Variants in IRF2 observed in about 807,000 individuals in gnomAD.
The protein encoded by IRF2 is interferon regulatory factor 2.
In IRF2, 15 loss-of-function variants were observed where a neutral mutation model predicts 40.6. The ratio of observed to expected loss-of-function variants is 0.37; its 90% CI spans 0.25 to 0.57. The LOEUF (loss-of-function observed/expected upper bound fraction) is 0.57. Among genes scored for constraint, IRF2 ranks in the 20% least tolerant of loss-of-function variants. The pLI is 0.77. For synonymous variants in IRF2, 151 were observed against 165.5 expected (o/e 0.91, Z 0.67); for missense variants, 317 against 455.7 (o/e 0.70, Z 2.77).
chr4:184,471,137 T>C (rs953625995), intron 1 of IRF2, among the ~76,000 whole-genome samples: 1 of 152,230 alleles, frequency 6.6e-6, no homozygotes, highest in Non-Finnish European at 1.5e-5. Context: ...TAATCTGATA[T>C]AATTTTGAAA....
At chr4:184,396,291 C>T (rs1003429997) in intron 7 of IRF2, among the ~76,000 whole-genome samples, 2 of 152,170 alleles carry the variant, frequency 1.3e-5, no homozygotes, top group African/African-American at 4.8e-5. Context: ...GTGCGCTGTC[C>T]AGGGCAGCGA....
chr4:184,416,366 C>T (rs1446437168), intron 5 of IRF2, among the ~76,000 whole-genome samples: 1 of 117,046 alleles, frequency 8.5e-6, no homozygotes, highest in East Asian at 2.3e-4. Flanking sequence ...CTGTGAGAAA[C>T]GATATGGCTA....
At position 184,408,292 on chromosome 4, in the gene IRF2, A is replaced by T. The variant is rs1226339136; in HGVS notation, c.412-17T>A. 6.8e-7 allele frequency: 1 copy of T among 1,473,400 alleles called. No individual in the cohort carries two copies. Among genetic ancestry groups the T allele is most frequent in the Non-Finnish European group, 9.5e-7 (1 of 1,053,886 alleles). The allele number at this position is 1,473,400 out of a possible 1,614,324, so 91.3% of individuals were successfully genotyped here. A position where few individuals can be genotyped will look rare whatever the true frequency, so the allele number is the denominator to read the frequency against. The stretch of plus-strand genomic sequence containing the variant: ...TGGTTCTTGCTAGGAAGAAGAAAAG[A>T]AAAAAGAATTGAGAACACTTCCTTT... On this transcript the variant is annotated splice_polypyrimidine_tract_variant and intron_variant, in intron 5 of 8. Transcript: ENST00000393593. The surrounding 1 kb of genome is among the most constrained non-coding windows in gnomAD (Gnocchi z 4.9).
chr4:184,397,102 T>C (rs1226768916), intron 7 of IRF2, among the ~76,000 whole-genome samples: 1 of 152,244 alleles, frequency 6.6e-6, no homozygotes, highest in Non-Finnish European at 1.5e-5. Flanking sequence ...ACGCATTTGC[T>C]GAATAAAGCA....
intron 1 of IRF2, among the ~76,000 whole-genome samples, chr4:184,455,568 G>A (rs962628261): frequency 4.6e-5 from 7 of 151,928 alleles, no homozygotes; most frequent in African/African-American, 1.7e-4. Flanking sequence ...GAGCACAGTA[G>A]CTTGCACATA....
intron 1 of IRF2, among the ~76,000 whole-genome samples, chr4:184,465,985 C>T (rs1487024897): frequency 6.6e-6 from 1 of 152,110 alleles, no homozygotes; most frequent in East Asian, 1.9e-4. Context: ...TACTCAGTGC[C>T]CCACTCAGTG....
Position 184,408,266 on chromosome 4 carries a change from C to T in IRF2, c.421G>A (p.Val141Ile). Reference sequence around the variant, plus strand: ...TTACTAAGCCCCAGAGATGACTCAACTGGTTCTTGCTAGGAAGAAGAAAAG... The same window carrying T: ...TTACTAAGCCCCAGAGATGACTCAATTGGTTCTTGCTAGGAAGAAGAAAAG... Reference protein sequence around the residue: ...DKVKHIKQEPVESSLGLSNGV... With the variant: ...DKVKHIKQEPIESSLGLSNGV... The change falls in exon 6 of 9, where the codon GTT (valine) becomes ATT (isoleucine). Residue 141 changes from valine to isoleucine, a missense_variant. By Grantham distance (29) the Val-to-Ile change is conservative. This residue lies in a region of IRF2 where 262 missense variants were observed against 334.0 expected (regional missense o/e 0.78). Coordinates refer to ENST00000393593, the MANE Select transcript of IRF2 (RefSeq NM_002199.4). The surrounding 1 kb of genome is among the most constrained non-coding windows in gnomAD (Gnocchi z 4.9). 6.3e-7 allele frequency: 1 copy of T among 1,597,702 alleles called. No homozygotes were observed. Among genetic ancestry groups the T allele is most frequent in the Non-Finnish European group, 8.6e-7 (1 of 1,165,492 alleles).
At position 184,387,886 on chromosome 4, in the gene IRF2, A is replaced by AATTAT. The variant is rs1323805083; in HGVS notation, c.*867_*871dup. Reference sequence around the variant, plus strand: ...TGATAAACAAGAAAAGGAATCTTAAAATTATAAATTTGCTGTAGAAAAGAT... The same window carrying AATTAT: ...TGATAAACAAGAAAAGGAATCTTAAAATTATATTATAAATTTGCTGTAGAAAAGAT... On this transcript the variant is annotated 3_prime_UTR_variant, in exon 9 of 9. Coordinates refer to ENST00000393593, the MANE Select transcript of IRF2 (RefSeq NM_002199.4). 3 of 152,612 alleles carry AATTAT rather than the reference A, an allele frequency of 2.0e-5. No homozygotes were observed. In the East Asian group the frequency reaches 5.8e-4, roughly 29 times the overall value. The allele number at this position is 152,612 out of a possible 1,614,324, so 9.5% of individuals were successfully genotyped here.
At chr4:184,434,278 C>T (rs1199298461) in intron 1 of IRF2, among the ~76,000 whole-genome samples, 1 of 152,180 alleles carries the variant, frequency 6.6e-6, no homozygotes, top group Admixed American at 6.5e-5. Context: ...TTGACTCTGC[C>T]ATTGCTGGTG....
chr4:184,434,196 GGA>G (rs1737994039), intron 1 of IRF2, among the ~76,000 whole-genome samples: 1 of 152,232 alleles, frequency 6.6e-6, no homozygotes, highest in African/African-American at 2.4e-5. Flanking sequence ...GTAGCTCAGT[GGA>G]GATGACACAG....
chr4:184,410,558 C>G lies in IRF2; in HGVS notation c.412-2283G>C, dbSNP rs903787301. ...TGACCCCTGGTCAGTTTCCCCACCC[C>G]GAGTCATGCCCCACCTTTCACTAGT... On this transcript the variant is annotated intron_variant, in intron 5 of 8. Transcript: ENST00000393593. 3.3e-5 allele frequency among the ~76,000 whole-genome samples: 5 copies of G among 152,184 alleles called. No individual in the cohort carries two copies. The South Asian group carries it at 1.0e-3, about 32-fold the overall frequency.
At position 184,407,150 on chromosome 4, in the gene IRF2, G is replaced by A. The variant is rs1736888145; in HGVS notation, c.529+1008C>T. On this transcript the variant is annotated intron_variant, in intron 6 of 8. Transcript: ENST00000393593. ...AAACTTTTTACACTGCCCGGGAGAT[G>A]GTTTAAATACAAAAAAAGCACTGCT... is the stretch of plus-strand genomic sequence containing the variant. 3.9e-6 allele frequency: 5 copies of A among 1,278,022 alleles called. No individual in the cohort carries two copies. The African/African-American group carries it at 4.6e-5, about 12-fold the overall frequency. The allele number at this position is 1,278,022 out of a possible 1,614,324, so 79.2% of individuals were successfully genotyped here. A position where few individuals can be genotyped will look rare whatever the true frequency, so the allele number is the denominator to read the frequency against.
intron 6 of IRF2, among the ~76,000 whole-genome samples, chr4:184,406,776 C>T (rs1269588905): frequency 1.3e-5 from 2 of 152,232 alleles, no homozygotes; most frequent in South Asian, 2.1e-4. Context: ...TCTCCTGTGC[C>T]TTCAGGAGCC....
At chr4:184,404,748 C>T (rs905918970) in intron 6 of IRF2, among the ~76,000 whole-genome samples, 7 of 152,110 alleles carry the variant, frequency 4.6e-5, no homozygotes, top group African/African-American at 1.2e-4. Context: ...AGAAGATCAC[C>T]GCGGGGCCGG....
chr4:184,442,550 C>T (rs1339815462), intron 1 of IRF2, among the ~76,000 whole-genome samples: 1 of 152,168 alleles, frequency 6.6e-6, no homozygotes, highest in Admixed American at 6.5e-5. Context: ...AAGTAAGTCC[C>T]ATAGAAGACA....
rs1242478641 is a variant in IRF2, at chr4:184,469,376, GA to G, written c.-7+5002del. 2.6e-5 allele frequency among the ~76,000 whole-genome samples: 4 copies of G among 152,322 alleles called. No homozygotes were observed. In the South Asian group the frequency reaches 6.2e-4, roughly 24 times the overall value. On this transcript the variant is annotated intron_variant, in intron 1 of 8. Transcript: ENST00000393593. The stretch of plus-strand genomic sequence containing the variant: ...ACTGGAAGTCATATGTGTTTCTGAG[GA>G]ATAAAAATGGGCACTAGGGCCGGGT...
Position 184,419,570 on chromosome 4 carries a change from T to TC in IRF2, c.88-3_88-2insG. ...GGGGATCTGAAAAATCTTCTTTTCC[T>TC]GAAAAAAAAAAAAAAAAAAAAGGTA... On this transcript the variant is annotated splice_polypyrimidine_tract_variant and splice_region_variant and intron_variant, in intron 2 of 8. Coordinates refer to ENST00000393593, the MANE Select transcript of IRF2 (RefSeq NM_002199.4). 3.2e-5 allele frequency: 26 copies of TC among 820,006 alleles called. No individual in the cohort carries two copies. The highest frequency in any genetic ancestry group is 4.4e-5 in the Non-Finnish European group (25 of 573,420). The allele number at this position is 820,006 out of a possible 1,614,324, so 50.8% of individuals were successfully genotyped here.
rs552603290 is a variant in IRF2 at position 184,422,898 on chromosome 4, G to A, written c.88-3330C>T. Among the ~76,000 whole-genome samples the A allele has an allele frequency of 1.6e-3, 240 of 152,298 alleles. 1 individual carries two copies. The highest frequency in any genetic ancestry group is 5.1e-3 in the African/African-American group (214 of 41,562). Reference sequence around the variant, plus strand: ...AACTGGACAGTGGTGATGGCTGCATGACATCGTGAATGTCACTTTAAAATG... The same window carrying A: ...AACTGGACAGTGGTGATGGCTGCATAACATCGTGAATGTCACTTTAAAATG... On this transcript the variant is annotated intron_variant, in intron 2 of 8. Transcript: ENST00000393593.
chr4:184,409,380 C>G (rs1186138737), intron 5 of IRF2, among the ~76,000 whole-genome samples: 1 of 152,058 alleles, frequency 6.6e-6, no homozygotes, highest in African/African-American at 2.4e-5. Flanking sequence ...CTTCATAATC[C>G]CACCTGGCAA....
Sources: allele counts gnomAD v4.1 joint callset (sites outside exome capture counted in the v4.1 genomes callset), GRCh38; gene constraint gnomAD v4.1.1; regional missense constraint gnomAD v4.1.1; non-coding constraint Gnocchi (gnomAD v3.1); transcripts MANE v1.5; gene names NCBI Gene and HGNC (gene_info 2026-07-23, HGNC 2026-07-21).